The following FRAS1 variants were observed in gnomAD, a reference collection of about 807,000 sequenced individuals.
FRAS1 encodes extracellular matrix organizing protein FRAS1.
In FRAS1, 290 loss-of-function variants were observed where a neutral mutation model predicts 435.2. The ratio of observed to expected loss-of-function variants is 0.67; its 90% CI spans 0.61 to 0.73. FRAS1 has a LOEUF of 0.73. Ranked by LOEUF, FRAS1 falls within the 30% of genes least tolerant of loss-of-function variation. The probability of loss-of-function intolerance (pLI) is 0.00; values close to 1 mark genes in which losing one functional copy is unlikely to be tolerated. For missense variants in FRAS1, 4,860 were observed against 5,001.5 expected (o/e 0.97, Z 0.85); for synonymous variants, 1,800 against 1,851.0 (o/e 0.97, Z 0.71).
chr4:78,306,093 A>G (rs545770291), intron 14 of FRAS1, among the ~76,000 whole-genome samples: 4 of 152,166 alleles, frequency 2.6e-5, no homozygotes, highest in South Asian at 2.1e-4. Context: ...GCTTGTCTCT[A>G]AAGGATTTTA....
chr4:78,287,656 A>C (rs1727674568), intron 14 of FRAS1, among the ~76,000 whole-genome samples: 1 of 152,178 alleles, frequency 6.6e-6, no homozygotes, highest in Non-Finnish European at 1.5e-5. Context: ...CATTTGCAGG[A>C]AAATGATTGA....
At chr4:78,515,618 G>A (rs1176804082) in intron 65 of FRAS1, among the ~76,000 whole-genome samples, 181 bp from the exon 66 acceptor site, 1 of 152,180 alleles carries the variant, frequency 6.6e-6, no homozygotes. Context: ...ACAGCAGTTA[G>A]CAAGCGCTTT....
intron 2 of FRAS1, among the ~76,000 whole-genome samples, chr4:78,144,207 CAG>C (rs1252157468): frequency 3.3e-5 from 5 of 151,378 alleles, no homozygotes; most frequent in Middle Eastern, 3.4e-3. Flanking sequence ...AAATGCAACT[CAG>C]AGAAAAATGA....
chr4:78,219,926 C>A (rs763558615), intron 2 of FRAS1, among the ~76,000 whole-genome samples: 5 of 152,104 alleles, frequency 3.3e-5, no homozygotes, highest in African/African-American at 9.7e-5. Context: ...GTAATGAAGG[C>A]CCATCATTCT....
chr4:78,488,731 C>G (rs1347229165), intron 58 of FRAS1, 144 bp from the exon 59 acceptor site: 1 of 653,210 alleles, frequency 1.5e-6, no homozygotes, highest in Non-Finnish European at 2.6e-6. Context: ...TTGGAATCTG[C>G]TTGCCACCTG....
At chr4:78,446,928 G>A in intron 43 of FRAS1, 48 bp downstream of exon 43, 1 of 1,531,836 alleles carries the variant, frequency 6.5e-7, no homozygotes, top group Non-Finnish European at 8.9e-7. Flanking sequence ...GATGCCCGAT[G>A]GGCTGTTAGA....
chr4:78,058,173 G>A lies in FRAS1; in HGVS notation c.76+88G>A, dbSNP rs532646452. On this transcript the variant is annotated intron_variant, in intron 1 of 73. Coordinates refer to ENST00000512123, the MANE Select transcript of FRAS1 (RefSeq NM_025074.7). ...GTGATCGTGCAGTTTAAAAATCTCA[G>A]CAGGTTTTATGGTATTTCGGTGAGG... is the stretch of plus-strand genomic sequence containing the variant. 29 of 1,268,886 alleles carry A rather than the reference G, an allele frequency of 2.3e-5. No individual in the cohort carries two copies. In the South Asian group the frequency reaches 3.8e-4, roughly 17 times the overall value. The allele number at this position is 1,268,886 out of a possible 1,614,324, so 78.6% of individuals were successfully genotyped here.
intron 36 of FRAS1, among the ~76,000 whole-genome samples, chr4:78,429,615 A>G (rs17427362): frequency 0.15 from 22,934 of 152,244 alleles, 2,080 homozygotes; most frequent in Non-Finnish European, 0.22. Context: ...AAGCTTCAGA[A>G]GTTGTGAAGA....
chr4:78,147,675 T>G (rs1720475615), intron 2 of FRAS1, among the ~76,000 whole-genome samples: 1 of 152,158 alleles, frequency 6.6e-6, no homozygotes, highest in South Asian at 2.1e-4. Context: ...TTTTCTTATG[T>G]TTAAAACTAG....
intron 72 of FRAS1, among the ~76,000 whole-genome samples, chr4:78,538,316 C>G (rs1324830246): frequency 1.3e-5 from 2 of 152,178 alleles, no homozygotes; most frequent in Admixed American, 6.5e-5. Context: ...AACAAAAACT[C>G]TCTGGGGTCC....
chr4:78,262,768 A>G (rs549555456), intron 6 of FRAS1, among the ~76,000 whole-genome samples: 40 of 152,292 alleles, frequency 2.6e-4, no homozygotes, highest in African/African-American at 8.9e-4. Flanking sequence ...TCCTACCCCA[A>G]ATTGTAGTGG....
chr4:78,224,022 T>A (rs1435968287), intron 2 of FRAS1, among the ~76,000 whole-genome samples: 1 of 152,218 alleles, frequency 6.6e-6, no homozygotes, highest in Non-Finnish European at 1.5e-5. Flanking sequence ...TGTTTTTATT[T>A]CCTTAGAAAC....
At chr4:78,273,519 A>C (rs1257779375) in intron 9 of FRAS1, among the ~76,000 whole-genome samples, 1 of 152,224 alleles carries the variant, frequency 6.6e-6, no homozygotes, top group East Asian at 1.9e-4. Context: ...AATTTTTAGC[A>C]TGAAGGGCTG....
chr4:78,261,839 CTT>C (rs1426250764), intron 6 of FRAS1, among the ~76,000 whole-genome samples: 4 of 152,136 alleles, frequency 2.6e-5, no homozygotes, highest in Non-Finnish European at 5.9e-5. Flanking sequence ...TCACATAAAA[CTT>C]AAATAAGTTT....
chr4:78,244,223 C>T (rs1725135608), intron 3 of FRAS1, among the ~76,000 whole-genome samples: 1 of 151,846 alleles, frequency 6.6e-6, no homozygotes, highest in Non-Finnish European at 1.5e-5. Context: ...AAAAATGAAG[C>T]AACCAAAAAT....
intron 2 of FRAS1, among the ~76,000 whole-genome samples, chr4:78,139,244 G>A (rs1720056377): frequency 6.6e-6 from 1 of 152,164 alleles, no homozygotes; most frequent in South Asian, 2.1e-4. Context: ...ACAGGACCTT[G>A]GGATGTGACA....
intron 61 of FRAS1, among the ~76,000 whole-genome samples, chr4:78,505,766 C>T (rs1003022898): frequency 6.6e-6 from 1 of 152,162 alleles, no homozygotes; most frequent in African/African-American, 2.4e-5. Flanking sequence ...CATCTTTGTT[C>T]CGTTGCTGGT....
chr4:78,369,145 C>T (rs1054627017), intron 22 of FRAS1, among the ~76,000 whole-genome samples: 7 of 152,246 alleles, frequency 4.6e-5, no homozygotes, highest in South Asian at 4.2e-4. Flanking sequence ...AGAGTTATAT[C>T]GGAGAGTTTG....
rs909853499 is a variant in FRAS1 at position 78,515,845 on chromosome 4, G to A, written c.10221G>A (p.Gly3407=). ...TGGTCTATGATAGCACTGCCCTGGGGCCTGGCTACGATCGCCCCTTCCAGT... is the reference window on the plus strand; with the variant it reads ...TGGTCTATGATAGCACTGCCCTGGGACCTGGCTACGATCGCCCCTTCCAGT... ...DDVVYDSTAL[G]PGYDRPFQFD... The change falls in exon 66 of 74, where the codon GGG becomes GGA. Residue 3407 remains glycine, a synonymous_variant. Transcript: ENST00000512123. The A allele has an allele frequency of 6.2e-7, 1 of 1,613,918 alleles. No individual in the cohort carries two copies. Among genetic ancestry groups the A allele is most frequent in the Non-Finnish European group, 8.5e-7 (1 of 1,179,908 alleles).
Sources: gnomAD v4.1 joint callset for allele counts (sites outside exome capture counted in the v4.1 genomes callset) on GRCh38, gnomAD v4.1.1 for gene constraint, MANE v1.5 for transcripts, NCBI Gene and HGNC (gene_info 2026-07-23, HGNC 2026-07-21) for gene names.